The following KASH5 variants were observed in gnomAD, a reference collection of about 807,000 sequenced individuals.
The protein encoded by KASH5 is KASH domain containing 5.
In KASH5, 72 loss-of-function variants were observed where a neutral mutation model predicts 84.2. That is an observed-to-expected ratio of 0.85 (90% CI 0.71 to 1.04). The LOEUF is 1.04. Ranked by LOEUF, KASH5 falls within the 50% of genes least tolerant of loss-of-function variation. The probability of loss-of-function intolerance (pLI) is 0.00; values close to 1 mark genes in which losing one functional copy is unlikely to be tolerated. For missense variants in KASH5, 650 were observed against 701.0 expected (o/e 0.93, Z 0.82); for synonymous variants, 260 against 279.1 (o/e 0.93, Z 0.68).
chr19:49,407,125 C>A, intron 10 of KASH5, 115 bp from the exon 11 acceptor site: 1 of 1,362,096 alleles, frequency 7.3e-7, no homozygotes, highest in Non-Finnish European at 1.0e-6. Context: ...AGTCCTGGAA[C>A]ATCTCAGGAG....
In KASH5 at chr19:49,417,355, C is replaced by T. The variant is rs1423565360; in HGVS notation, c.1548-14C>T. Reference sequence around the variant, plus strand: ...CCAGACCCTGCCCTAAATGCTCTCCCACCTCCCCACCAGAGTCACTCGACA... The same window carrying T: ...CCAGACCCTGCCCTAAATGCTCTCCTACCTCCCCACCAGAGTCACTCGACA... On this transcript the variant is annotated splice_polypyrimidine_tract_variant and intron_variant, in intron 19 of 19. Coordinates refer to ENST00000447857, the MANE Select transcript of KASH5 (RefSeq NM_144688.5). This position sits in a 1 kb window ranked among gnomAD's most constrained non-coding sequence, Gnocchi z 5.2. 1.3e-6 allele frequency: 2 copies of T among 1,552,332 alleles called. No individual in the cohort carries two copies. The highest frequency in any genetic ancestry group is 1.7e-6 in the Non-Finnish European group (2 of 1,146,848).
rs1245371920 is a variant in KASH5, at chr19:49,414,747, C to T, written c.1329-204C>T. 3.6e-5 allele frequency among the ~76,000 whole-genome samples: 5 copies of T among 138,488 alleles called. No homozygotes were observed. The highest frequency in any genetic ancestry group is 8.4e-5 in the African/African-American group (3 of 35,834). The allele number at this position is 138,488 out of a possible 152,430, so 90.9% of individuals were successfully genotyped here. On this transcript the variant is annotated intron_variant, in intron 16 of 19. Coordinates refer to ENST00000447857, the MANE Select transcript of KASH5 (RefSeq NM_144688.5). This position sits in a 1 kb window ranked among gnomAD's most constrained non-coding sequence, Gnocchi z 4.5. ...CTGCCTGGCCTCCCCCAGGCCCGTC[C>T]GTGCTGCCTGGCCTCCCCCAGGCCC... is the stretch of plus-strand genomic sequence containing the variant.
rs370996029 is a variant in KASH5, at chr19:49,407,264, C to T, written c.901C>T (p.Leu301Phe). 76 of 1,613,890 alleles carry T rather than the reference C, an allele frequency of 4.7e-5. No homozygotes were observed. Among genetic ancestry groups the T allele is most frequent in the African/African-American group, 2.8e-4 (21 of 75,004 alleles). Residue 301 changes from leucine (L) to phenylalanine (F), a missense_variant, in exon 11 of 20, where the codon CTC (leucine) becomes TTC (phenylalanine). Leu to Phe is a conservative substitution (Grantham distance 22, BLOSUM62 0). Transcript: ENST00000447857. ...GCGGCAGCTCTTTGAGTGTGAACAC[C>T]TCATTTGCCAAAGAGACACCATCCT... Reference protein sequence around the residue: ...LKRQLFECEHLICQRDTILSE... With the variant: ...LKRQLFECEHFICQRDTILSE...
intron 12 of KASH5, 36 bp from the exon 13 acceptor site, chr19:49,408,931 C>T (rs1396965210): frequency 1.9e-6 from 3 of 1,556,340 alleles, no homozygotes; most frequent in Non-Finnish European, 2.6e-6. Context: ...GGGAAAAATG[C>T]AGAGCCAAAT....
Position 49,412,433 on chromosome 19 carries a change from A to T in KASH5, c.1270-535A>T, listed in dbSNP as rs1004639391. Among the ~76,000 whole-genome samples the T allele has an allele frequency of 2.0e-5, 3 of 152,128 alleles. No individual in the cohort carries two copies. Among genetic ancestry groups the T allele is most frequent in the African/African-American group, 7.2e-5 (3 of 41,428 alleles). Reference sequence around the variant, plus strand: ...GAGGGATGTCTGGGGGCTGCCTGGAAGAGTTGGGTGCACCATCCTGGAGCT... The same window carrying T: ...GAGGGATGTCTGGGGGCTGCCTGGATGAGTTGGGTGCACCATCCTGGAGCT... On this transcript the variant is annotated intron_variant, in intron 15 of 19. Transcript: ENST00000447857. The surrounding 1 kb of genome is among the most constrained non-coding windows in gnomAD (Gnocchi z 4.6).
rs1301840399 is a variant in KASH5, at chr19:49,399,690, G to A, written c.798+183G>A. On this transcript the variant is annotated intron_variant, in intron 9 of 19. Coordinates refer to ENST00000447857, the MANE Select transcript of KASH5 (RefSeq NM_144688.5). The surrounding 1 kb of genome is among the most constrained non-coding windows in gnomAD (Gnocchi z 4.4). The stretch of plus-strand genomic sequence containing the variant: ...GAACAGCCGTGGTTTACAAGAGTGT[G>A]AGGCATGGGGTCAGCCTACATGGCT... 1.4e-6 allele frequency: 2 copies of A among 1,464,122 alleles called. No individual in the cohort carries two copies. Among genetic ancestry groups the A allele is most frequent in the Non-Finnish European group, 1.8e-6 (2 of 1,105,196 alleles). The allele number at this position is 1,464,122 out of a possible 1,614,324, so 90.7% of individuals were successfully genotyped here.
chr19:49,407,545 C>A (rs1402715349), intron 11 of KASH5, 67 bp from the exon 12 acceptor site: 1 of 1,508,666 alleles, frequency 6.6e-7, no homozygotes, highest in Non-Finnish European at 9.0e-7. Context: ...CCAGTCCCCC[C>A]GCCACCACCA....
chr19:49,400,353 C>CTTTTTTTTTTTTTTTTTT (rs36066335), intron 9 of KASH5, among the ~76,000 whole-genome samples: 3 of 124,216 alleles, frequency 2.4e-5, no homozygotes, highest in Non-Finnish European at 3.3e-5. Context: ...CTTTTAGTTT[C>CTTTTTTTTTTTTTTTTTT]TTTTTTTTTT....
chr19:49,403,794 C>T (rs938676402), intron 9 of KASH5, among the ~76,000 whole-genome samples: 1 of 152,240 alleles, frequency 6.6e-6, no homozygotes, highest in Non-Finnish European at 1.5e-5. Context: ...GGTTGAGTGC[C>T]TTGAGCAGCA....
chr19:49,395,440 A>G lies in KASH5; in HGVS notation c.335+148A>G, dbSNP rs1437462376. On this transcript the variant is annotated intron_variant, in intron 4 of 19. Transcript: ENST00000447857. The surrounding 1 kb of genome is among the most constrained non-coding windows in gnomAD (Gnocchi z 4.4). Reference sequence around the variant, plus strand: ...AGAGAAAAATGAAGAGACGGGATTCAGAGGGGGTAGATAGGGAGTCTGAGG... The same window carrying G: ...AGAGAAAAATGAAGAGACGGGATTCGGAGGGGGTAGATAGGGAGTCTGAGG... 1 of 855,072 alleles carries G rather than the reference A, an allele frequency of 1.2e-6. No individual in the cohort carries two copies. The highest frequency in any genetic ancestry group is 1.8e-6 in the Non-Finnish European group (1 of 551,826). The allele number at this position is 855,072 out of a possible 1,614,324, so 53.0% of individuals were successfully genotyped here.
chr19:49,398,543 ATT>A (rs1412205992), intron 7 of KASH5, among the ~76,000 whole-genome samples: 2 of 151,338 alleles, frequency 1.3e-5, no homozygotes, highest in East Asian at 3.9e-4. Flanking sequence ...ATTTTGTTTT[ATT>A]TTTTATAGAA....
intron 7 of KASH5, 52 bp downstream of exon 7, chr19:49,398,195 CT>C (rs1158764168): frequency 6.8e-7 from 1 of 1,479,798 alleles, no homozygotes; most frequent in East Asian, 2.4e-5. Flanking sequence ...TCCGTCCTCC[CT>C]GCAGCAGCCG....
chr19:49,397,614 C>T lies in KASH5; in HGVS notation c.401-37C>T, dbSNP rs372183758. The T allele has an allele frequency of 1.4e-5, 22 of 1,603,810 alleles. No homozygotes were observed. In the African/African-American group the frequency reaches 2.5e-4, roughly 19 times the overall value. Reference sequence around the variant, plus strand: ...TGGGGCACTTTACGTTTAAGGGTTCCAGGGAAGCCAACATTCTCTTGGCTC... The same window carrying T: ...TGGGGCACTTTACGTTTAAGGGTTCTAGGGAAGCCAACATTCTCTTGGCTC... On this transcript the variant is annotated intron_variant, in intron 5 of 19. Coordinates refer to ENST00000447857, the MANE Select transcript of KASH5 (RefSeq NM_144688.5).
rs76985162 is a variant in KASH5 at position 49,388,840 on chromosome 19, C to A, written c.-96+513C>A. 8.3e-3 allele frequency among the ~76,000 whole-genome samples: 1,256 copies of A among 152,110 alleles called. 37 individuals are homozygous for A. The highest frequency in any genetic ancestry group is 0.055 in the East Asian group (284 of 5,168). ...CTCAGAGCCTGCCAGAAACTTTCCCCAAAATCCTATTACTCTCCCCAGATC... is the reference window on the plus strand; with the variant it reads ...CTCAGAGCCTGCCAGAAACTTTCCCAAAAATCCTATTACTCTCCCCAGATC... On this transcript the variant is annotated intron_variant, in intron 1 of 19. Coordinates refer to ENST00000447857, the MANE Select transcript of KASH5 (RefSeq NM_144688.5).
chr19:49,406,797 A>G (rs187811456), intron 9 of KASH5, 89 bp from the exon 10 acceptor site: 2 of 1,155,938 alleles, frequency 1.7e-6, no homozygotes, highest in African/African-American at 1.5e-5. Flanking sequence ...GGCCTGATGT[A>G]TATCAATCAA....
chr19:49,399,607 G>A lies in KASH5; in HGVS notation c.798+100G>A, dbSNP rs182310162. ...CCCAACACCCCAGCAGCCTGTCTTG[G>A]GGAGACCTCAGAATGTCAGTAGTGT... On this transcript the variant is annotated intron_variant, in intron 9 of 19. Coordinates refer to ENST00000447857, the MANE Select transcript of KASH5 (RefSeq NM_144688.5). The surrounding 1 kb of genome is among the most constrained non-coding windows in gnomAD (Gnocchi z 4.4). 3 of 1,548,278 alleles carry A rather than the reference G, an allele frequency of 1.9e-6. No homozygotes were observed. Among genetic ancestry groups the A allele is most frequent in the Non-Finnish European group, 2.6e-6 (3 of 1,144,888 alleles).
intron 9 of KASH5, among the ~76,000 whole-genome samples, chr19:49,404,905 G>T (rs1172886175): frequency 6.6e-6 from 1 of 152,156 alleles, no homozygotes; most frequent in Non-Finnish European, 1.5e-5. Context: ...AAGAAATAAT[G>T]ATAGAGGAAA....
At chr19:49,415,077 C>T (rs1974859302) in intron 17 of KASH5, 81 bp downstream of exon 17, 1 of 1,356,776 alleles carries the variant, frequency 7.4e-7, no homozygotes, top group East Asian at 2.4e-5. Flanking sequence ...TCTTCCCAAG[C>T]CCCAGCCTCA....
intron 7 of KASH5, among the ~76,000 whole-genome samples, chr19:49,398,599 G>T (rs139335442): frequency 2.5e-4 from 38 of 152,134 alleles, no homozygotes; most frequent in African/African-American, 8.7e-4. Flanking sequence ...AAACTCCTGG[G>T]CTCAAGCCAT....
Sources: gnomAD v4.1 joint callset for allele counts (sites outside exome capture counted in the v4.1 genomes callset) on GRCh38, gnomAD v4.1.1 for gene constraint, Gnocchi (gnomAD v3.1) non-coding constraint, MANE v1.5 for transcripts, NCBI Gene and HGNC (gene_info 2026-07-23, HGNC 2026-07-21) for gene names.